The following SOCS6 variants were observed in gnomAD, a reference collection of about 807,000 sequenced individuals.
SOCS6 encodes the protein STAT induced STAT inhibitor-4.
Under a neutral mutation model 27.7 loss-of-function variants are expected in SOCS6, and 5 were observed. That is an observed-to-expected ratio of 0.18 (90% CI 0.09 to 0.38). The LOEUF (loss-of-function observed/expected upper bound fraction) is 0.38. Among genes scored for constraint, SOCS6 ranks in the 10% least tolerant of loss-of-function variants. SOCS6 has a pLI of 1.00. For missense variants in SOCS6, 595 were observed against 688.1 expected (o/e 0.86, Z 1.51); for synonymous variants, 271 against 260.0 (o/e 1.04, Z -0.41).
chr18:70,293,239 G>A (rs2062308045), intron 1 of SOCS6, among the ~76,000 whole-genome samples: 1 of 152,104 alleles, frequency 6.6e-6, no homozygotes, highest in African/African-American at 2.4e-5. Context: ...AAAGTTGTTG[G>A]TATTTCATGT....
intron 1 of SOCS6, among the ~76,000 whole-genome samples, chr18:70,302,548 G>A (rs1307125889): frequency 6.6e-6 from 1 of 152,092 alleles, no homozygotes; most frequent in Non-Finnish European, 1.5e-5. Context: ...TGACATAAGC[G>A]GAGTTGAATT....
rs763120236 is a variant in SOCS6 at position 70,321,312 on chromosome 18, G to GTTTTTT, written c.-126-3210_-126-3205dup. Reference sequence around the variant, plus strand: ...AATAAATAAATAACAAATTTTCTCAGTTTTTTTTTTTTTTTTTTTTTTTTT... The same window carrying GTTTTTT: ...AATAAATAAATAACAAATTTTCTCAGTTTTTTTTTTTTTTTTTTTTTTTTTTTTTTT... On this transcript the variant is annotated intron_variant, in intron 1 of 1. Coordinates refer to ENST00000397942, the MANE Select transcript of SOCS6 (RefSeq NM_004232.4). Among the ~76,000 whole-genome samples, 47 of 68,692 alleles carry GTTTTTT rather than the reference G, an allele frequency of 6.8e-4. 8 individuals carry two copies. The highest frequency in any genetic ancestry group is 3.0e-3 in the East Asian group (5 of 1,694). 45.1% of individuals were successfully genotyped at this position (68,692 alleles called of 152,430 possible).
In SOCS6 at chr18:70,325,355, G is replaced by A. The variant is rs368115526; in HGVS notation, c.687G>A (p.Glu229=). The change falls in exon 2 of 2, where the codon GAG becomes GAA. Residue 229 remains glutamate (E), a synonymous_variant. Transcript: ENST00000397942. The surrounding 1 kb of genome is among the most constrained non-coding windows in gnomAD (Gnocchi z 6.3). ...DYIQYTVPLD[E]GMYPLEGSRS... ...TTCAGTATACTGTGCCTTTAGATGA[G>A]GGGATGTATCCTTTGGAAGGATCAC... 1.3e-5 allele frequency: 21 copies of A among 1,614,054 alleles called. No individual in the cohort carries two copies. Among genetic ancestry groups the A allele is most frequent in the African/African-American group, 2.7e-5 (2 of 74,936 alleles).
rs535608354 is a variant in SOCS6 at position 70,319,452 on chromosome 18, C to T, written c.-126-5091C>T. On this transcript the variant is annotated intron_variant, in intron 1 of 1. Transcript: ENST00000397942. ...CTGTGGATCCTCTTTCATCATAATCCTGAAACATCATTTGTCTTTTTTACT... is the reference window on the plus strand; with the variant it reads ...CTGTGGATCCTCTTTCATCATAATCTTGAAACATCATTTGTCTTTTTTACT... Among the ~76,000 whole-genome samples, 11 of 152,042 alleles carry T rather than the reference C, an allele frequency of 7.2e-5. No homozygotes were observed. In the South Asian group the frequency reaches 1.5e-3, roughly 20 times the overall value.
At chr18:70,320,413 G>T (rs1910940887) in intron 1 of SOCS6, among the ~76,000 whole-genome samples, 1 of 152,086 alleles carries the variant, frequency 6.6e-6, no homozygotes, top group Non-Finnish European at 1.5e-5. Flanking sequence ...ATATGAAAAG[G>T]TTATTAAATA....
chr18:70,307,650 C>A (rs1437302982), intron 1 of SOCS6, among the ~76,000 whole-genome samples: 1 of 152,038 alleles, frequency 6.6e-6, no homozygotes, highest in African/African-American at 2.4e-5. Context: ...TTATAGTATT[C>A]CCATATAGTC....
At chr18:70,310,244 C>T (rs1283403821) in intron 1 of SOCS6, among the ~76,000 whole-genome samples, 1 of 151,442 alleles carries the variant, frequency 6.6e-6, no homozygotes, top group African/African-American at 2.4e-5. Context: ...TATTGGCCTC[C>T]TCATTCCTTT....
chr18:70,301,594 A>G (rs1032860316), intron 1 of SOCS6, among the ~76,000 whole-genome samples: 1 of 152,218 alleles, frequency 6.6e-6, no homozygotes, highest in Non-Finnish European at 1.5e-5. Flanking sequence ...TCTGCAAGAC[A>G]TCAAAGTGGC....
In SOCS6 at chr18:70,299,613, C is replaced by T. The variant is rs186892152; in HGVS notation, c.-127+10523C>T. On this transcript the variant is annotated intron_variant, in intron 1 of 1. Transcript: ENST00000397942. ...TCTAGGCACTGGGTCTCTGGGTGACCAGCCCCATCCAGAGGCCATCTAGGA... is the reference window on the plus strand; with the variant it reads ...TCTAGGCACTGGGTCTCTGGGTGACTAGCCCCATCCAGAGGCCATCTAGGA... Among the ~76,000 whole-genome samples the T allele has an allele frequency of 2.8e-3, 422 of 152,252 alleles. 1 individual carries two copies. The highest frequency in any genetic ancestry group is 9.5e-3 in the African/African-American group (394 of 41,546).
intron 1 of SOCS6, among the ~76,000 whole-genome samples, chr18:70,313,120 G>A (rs1052882619): frequency 6.6e-6 from 1 of 152,034 alleles, no homozygotes; most frequent in Non-Finnish European, 1.5e-5. Flanking sequence ...AATATTTTAG[G>A]TTATTGATTG....
intron 1 of SOCS6, among the ~76,000 whole-genome samples, chr18:70,302,345 C>G (rs1259584636): frequency 1.4e-5 from 2 of 143,380 alleles, no homozygotes; most frequent in Non-Finnish European, 2.9e-5. Flanking sequence ...TGAGAGTGTT[C>G]CAGGGGTGGA....
Position 70,330,044 on chromosome 18 carries a change from C to T in SOCS6, c.*3768C>T, listed in dbSNP as rs1443554089. 1 of 167,020 alleles carries T rather than the reference C, an allele frequency of 6.0e-6. No homozygotes were observed. The highest frequency in any genetic ancestry group is 1.5e-5 in the Non-Finnish European group (1 of 68,094). The allele number at this position is 167,020 out of a possible 1,614,324, so 10.3% of individuals were successfully genotyped here. On this transcript the variant is annotated 3_prime_UTR_variant, in exon 2 of 2. Coordinates refer to ENST00000397942, the MANE Select transcript of SOCS6 (RefSeq NM_004232.4). ...TGTACCATTTGTACTGAGAACACCA[C>T]AGAATGAATTATCCAAAGTCCATTG...
At chr18:70,291,946 T>C (rs1252059677) in intron 1 of SOCS6, among the ~76,000 whole-genome samples, 2 of 152,220 alleles carry the variant, frequency 1.3e-5, no homozygotes, top group Non-Finnish European at 1.5e-5. Context: ...TGTTTTGAAG[T>C]GAAATTGTCA....
Position 70,325,991 on chromosome 18 carries a change from C to T in SOCS6, c.1323C>T (p.Ser441=), listed in dbSNP as rs112244149. 5.6e-3 allele frequency: 9,031 copies of T among 1,614,218 alleles called. 34 individuals are homozygous for T. The highest frequency in any genetic ancestry group is 6.7e-3 in the Non-Finnish European group (7,941 of 1,180,022). The part of the protein sequence containing the change: ...TRIEHSNGRF[S]FYEQPDVEGH... ...TTGAGCACTCAAATGGTAGGTTTAGCTTTTATGAACAGCCAGATGTGGAAG... is the reference window on the plus strand; with the variant it reads ...TTGAGCACTCAAATGGTAGGTTTAGTTTTTATGAACAGCCAGATGTGGAAG... The change falls in exon 2 of 2, where the codon AGC becomes AGT. Residue 441 remains serine (S), a synonymous_variant. Transcript: ENST00000397942. This position sits in a 1 kb window ranked among gnomAD's most constrained non-coding sequence, Gnocchi z 6.3.
Position 70,324,910 on chromosome 18 carries a change from T to G in SOCS6, c.242T>G (p.Leu81Arg), listed in dbSNP as rs1402251493. ...CTGATGGGTACGCTAAAAAGGCGGCTTTCTGCAAAACAGAAGTCAAAAGGC... is the reference window on the plus strand; with the variant it reads ...CTGATGGGTACGCTAAAAAGGCGGCGTTCTGCAAAACAGAAGTCAAAAGGC... ...ESLMGTLKRR[L>R]SAKQKSKGKA... is the part of the protein sequence containing the mutation. The change falls in exon 2 of 2, where the codon CTT becomes CGT. Residue 81 changes from leucine (L) to arginine (R), a missense_variant. Leu to Arg is a moderately radical substitution (Grantham distance 102, BLOSUM62 -2). Around this residue, in one of 2 missense-constraint regions of SOCS6, gnomAD observed 467 missense variants for 481.1 expected, o/e 0.97. Transcript: ENST00000397942. 6.2e-7 allele frequency: 1 copy of G among 1,614,182 alleles called. No individual in the cohort carries two copies. Among genetic ancestry groups the G allele is most frequent in the Admixed American group, 1.7e-5 (1 of 60,018 alleles).
intron 1 of SOCS6, among the ~76,000 whole-genome samples, chr18:70,296,834 T>C (rs995420046): frequency 2.6e-5 from 4 of 152,194 alleles, no homozygotes; most frequent in Non-Finnish European, 5.9e-5. Flanking sequence ...TATAAACTTA[T>C]GTTTTTCAGT....
intron 1 of SOCS6, among the ~76,000 whole-genome samples, chr18:70,297,571 T>C (rs2062329830): frequency 6.6e-6 from 1 of 152,172 alleles, no homozygotes; most frequent in South Asian, 2.1e-4. Flanking sequence ...TATTTTAATT[T>C]GGACTATTTT....
chr18:70,292,575 C>T (rs773505379), intron 1 of SOCS6, among the ~76,000 whole-genome samples: 7 of 152,264 alleles, frequency 4.6e-5, no homozygotes, highest in South Asian at 4.1e-4. Flanking sequence ...CTTGAAATCA[C>T]GGGCTCAAGT....
At position 70,326,190 on chromosome 18, in the gene SOCS6, A is replaced by G. The variant is rs1911203272; in HGVS notation, c.1522A>G (p.Ile508Val). The G allele has an allele frequency of 6.2e-7, 1 of 1,614,056 alleles. No individual in the cohort carries two copies. Among genetic ancestry groups the G allele is most frequent in the African/African-American group, 1.3e-5 (1 of 74,946 alleles). ...RSLQYLCRFV[I>V]RQYTRIDLIQ... ...GTTGCAGTACCTGTGTCGTTTTGTT[A>G]TACGTCAGTATACCAGAATAGACTT... Residue 508 changes from isoleucine to valine, a missense_variant, in exon 2 of 2, where the codon ATA becomes GTA. Ile to Val is a conservative substitution (Grantham distance 29, BLOSUM62 3). Coordinates refer to ENST00000397942, the MANE Select transcript of SOCS6 (RefSeq NM_004232.4).
Sources: gnomAD v4.1 joint callset for allele counts (sites outside exome capture counted in the v4.1 genomes callset) on GRCh38, gnomAD v4.1.1 for gene constraint, gnomAD v4.1.1 regional missense constraint, Gnocchi (gnomAD v3.1) non-coding constraint, MANE v1.5 for transcripts, NCBI Gene and HGNC (gene_info 2026-07-23, HGNC 2026-07-21) for gene names.